DPAGT1: variants seen among roughly 807,000 people sequenced by gnomAD.
The protein encoded by DPAGT1 is UDP-N-acetylglucosamine--dolichyl-phosphate N-acetylglucosaminephosphotransferase.
DPAGT1 carries 25 observed loss-of-function variants against 39.3 expected under a neutral mutation model. That is an observed-to-expected ratio of 0.64 (90% CI 0.46 to 0.89). The LOEUF is 0.89. DPAGT1 is among the 40% of genes least tolerant of loss of function. The pLI is 0.00. For synonymous variants in DPAGT1, 193 were observed against 201.4 expected, an observed-to-expected ratio of 0.96 and a Z score of 0.36; for missense variants, 381 against 500.6, an observed-to-expected ratio of 0.76 and a Z score of 2.28.
intron 4 of DPAGT1, among the ~76,000 whole-genome samples, chr11:119,099,199 C>A (rs59857317): frequency 0.013 from 1,965 of 152,068 alleles, 44 homozygotes; most frequent in African/African-American, 0.045. Flanking sequence ...CTGAAGCAGG[C>A]AGATCACCTG....
Position 119,100,651 on chromosome 11 carries a change from G to T in DPAGT1, c.475C>A (p.Leu159Ile). ...IVVPKPFRPI[L>I]GLHLDLGILY... ...CTACCCAAGTCCAGATGCAGGCCAA[G>T]TATCGGGCGGAAGGGCTTGGGCACC... The change falls in exon 3 of 9, where the codon CTT becomes ATT. Residue 159 changes from leucine to isoleucine, a missense_variant. By Grantham distance (5) the Leu-to-Ile change is conservative (BLOSUM62 2). Transcript: ENST00000354202. The T allele has an allele frequency of 6.2e-7, 1 of 1,614,158 alleles. No individual in the cohort carries two copies. The highest frequency in any genetic ancestry group is 8.5e-7 in the Non-Finnish European group (1 of 1,180,004).
Position 119,097,322 on chromosome 11 carries a change from A to C in DPAGT1, c.1006-25T>G. On this transcript the variant is annotated intron_variant, in intron 7 of 8. Coordinates refer to ENST00000354202, the MANE Select transcript of DPAGT1 (RefSeq NM_001382.4). The surrounding 1 kb of genome is among the most constrained non-coding windows in gnomAD (Gnocchi z 4.6). ...CCTGGAGGGACCAGAGGTGAAGAGA[A>C]CCTCAGCTAATACCTATGCTTTAGG... is the stretch of plus-strand genomic sequence containing the variant. 6.2e-7 allele frequency: 1 copy of C among 1,614,116 alleles called. No homozygotes were observed. Among genetic ancestry groups the C allele is most frequent in the Non-Finnish European group, 8.5e-7 (1 of 1,179,982 alleles).
chr11:119,094,788 G>T, downstream of DPAGT1: 1 of 669,440 alleles, frequency 1.5e-6, no homozygotes, highest in South Asian at 2.1e-5. Context: ...GGCGGGCGGG[G>T]ACTCGAGGCC....
At chr11:119,096,354 A>T (rs1946393620), downstream of DPAGT1, 1 of 154,546 alleles carries the variant, frequency 6.5e-6, no homozygotes, top group African/African-American at 2.4e-5. Context: ...TTAAATATTT[A>T]TTCAATATGT....
At chr11:119,094,789 A>C, downstream of DPAGT1, 2 of 661,418 alleles carry the variant, frequency 3.0e-6, no homozygotes, top group Non-Finnish European at 2.4e-6. Context: ...GCGGGCGGGG[A>C]CTCGAGGCCG....
rs966666956 is a variant in DPAGT1, at chr11:119,098,163, A to T, written c.729-120T>A. 3 of 1,381,302 alleles carry T rather than the reference A, an allele frequency of 2.2e-6. No homozygotes were observed. In the African/African-American group the frequency reaches 4.3e-5, roughly 20 times the overall value. The allele number at this position is 1,381,302 out of a possible 1,614,324, so 85.6% of individuals were successfully genotyped here. On this transcript the variant is annotated intron_variant, in intron 5 of 8. Coordinates refer to ENST00000354202, the MANE Select transcript of DPAGT1 (RefSeq NM_001382.4). ...CTAGTTCTGACTCAGAGGAGACTCCAGTTGTGCAGCAACTCTGCAGGATCC... is the reference window on the plus strand; with the variant it reads ...CTAGTTCTGACTCAGAGGAGACTCCTGTTGTGCAGCAACTCTGCAGGATCC...
downstream of DPAGT1, chr11:119,095,205 G>A (rs1000700484): frequency 3.1e-6 from 5 of 1,613,884 alleles, no homozygotes; most frequent in African/African-American, 5.3e-5. Flanking sequence ...GCCAGCTCCA[G>A]GATCTCAGCG....
chr11:119,100,457 G>C, intron 3 of DPAGT1, 49 bp from the exon 4 acceptor site: 1 of 1,613,718 alleles, frequency 6.2e-7, no homozygotes, highest in Non-Finnish European at 8.5e-7. Context: ...TAGGGGAGGA[G>C]GATTTAAGAA....
In DPAGT1 at chr11:119,101,683, C is replaced by A. The variant is rs113165335; in HGVS notation, c.-28G>T. 1 of 1,614,012 alleles carries A rather than the reference C, an allele frequency of 6.2e-7. No individual in the cohort carries two copies. Among genetic ancestry groups the A allele is most frequent in the African/African-American group, 1.3e-5 (1 of 74,942 alleles). On this transcript the variant is annotated 5_prime_UTR_variant, in exon 1 of 9. Transcript: ENST00000354202. Reference sequence around the variant, plus strand: ...TGACCGGTCAGGGGCCCGGCTCCGCCGCCTCTTCAGGTAACGGGCAAGCTG... The same window carrying A: ...TGACCGGTCAGGGGCCCGGCTCCGCAGCCTCTTCAGGTAACGGGCAAGCTG...
chr11:119,094,902 CT>C, downstream of DPAGT1: 2 of 1,496,138 alleles, frequency 1.3e-6, no homozygotes, highest in African/African-American at 1.4e-5. Flanking sequence ...GGTGGTGGCC[CT>C]TAAAAGGGCC....
intron 5 of DPAGT1, 59 bp from the exon 6 acceptor site, chr11:119,098,102 A>G (rs1482247205): frequency 7.5e-6 from 12 of 1,606,142 alleles, no homozygotes; most frequent in African/African-American, 1.3e-5. Context: ...CCCTTCTCTC[A>G]CATCACACCC....
At position 119,101,600 on chromosome 11, in the gene DPAGT1, A is replaced by T; in HGVS notation, c.56T>A (p.Leu19Gln). Residue 19 changes from leucine to glutamine, a missense_variant, in exon 1 of 9, where the codon CTG becomes CAG. Coordinates refer to ENST00000354202, the MANE Select transcript of DPAGT1 (RefSeq NM_001382.4). ...MPLLINLIVSLLGFVATVTLI... is the reference protein window; with the variant it reads ...MPLLINLIVSQLGFVATVTLI... ...GGTGACTGTGGCCACAAATCCCAGC[A>T]GCGAGACGATCAAATTGATCAGCAG... 6.2e-7 allele frequency: 1 copy of T among 1,614,268 alleles called. No homozygotes were observed. Among genetic ancestry groups the T allele is most frequent in the Non-Finnish European group, 8.5e-7 (1 of 1,180,044 alleles).
intron 4 of DPAGT1, among the ~76,000 whole-genome samples, chr11:119,099,780 CAAAAAAAAAA>C (rs57486910): frequency 1.3e-5 from 1 of 75,802 alleles, no homozygotes. Flanking sequence ...GACCCTGTCT[CAAAAAAAAAA>C]AAAAAAAAAA....
At chr11:119,099,017 G>A (rs1351276295) in intron 4 of DPAGT1, among the ~76,000 whole-genome samples, 3 of 152,222 alleles carry the variant, frequency 2.0e-5, no homozygotes, top group Non-Finnish European at 4.4e-5. Context: ...GGGAACCACG[G>A]AATGTCTCAG....
chr11:119,099,998 T>C (rs181199430), intron 4 of DPAGT1, among the ~76,000 whole-genome samples: 424 of 152,194 alleles, frequency 2.8e-3, no homozygotes, highest in African/African-American at 9.3e-3. Context: ...CTGTGTAACG[T>C]TGGGGTTCTG....
downstream of DPAGT1, among the ~76,000 whole-genome samples, chr11:119,095,953 CTTTT>C (rs1022831455): frequency 2.0e-5 from 3 of 151,968 alleles, no homozygotes; most frequent in Non-Finnish European, 2.9e-5. Context: ...TAAAAGTTTT[CTTTT>C]TTTTCTTTCT....
rs776632995 is a variant in DPAGT1, at chr11:119,097,871, G to A, written c.901C>T (p.Arg301Cys). The A allele has an allele frequency of 2.4e-5, 39 of 1,613,962 alleles. No individual in the cohort carries two copies. The highest frequency in any genetic ancestry group is 2.9e-5 in the Non-Finnish European group (34 of 1,179,978). ...AGCGGCTACCTGGGTATGCGGTGGC[G>A]AGGGCAGGGGATGATATGCAGGAGC... Reference protein sequence around the residue: ...PQLLHIIPCPRHRIPRLNIKT... With the variant: ...PQLLHIIPCPCHRIPRLNIKT... Residue 301 changes from arginine (R) to cysteine (C), a missense_variant, in exon 6 of 9, where the codon CGC becomes TGC. By Grantham distance (180) the Arg-to-Cys change is radical. Coordinates refer to ENST00000354202, the MANE Select transcript of DPAGT1 (RefSeq NM_001382.4). The surrounding 1 kb of genome is among the most constrained non-coding windows in gnomAD (Gnocchi z 4.6).
chr11:119,095,243 T>C, downstream of DPAGT1: 1 of 1,613,628 alleles, frequency 6.2e-7, no homozygotes, highest in South Asian at 1.1e-5. Context: ...TGCCGCCAGG[T>C]ACACTGGCGC....
Position 119,101,155 on chromosome 11 carries a change from A to AG in DPAGT1, c.162-18dup. On this transcript the variant is annotated splice_polypyrimidine_tract_variant and intron_variant, in intron 1 of 8. Coordinates refer to ENST00000354202, the MANE Select transcript of DPAGT1 (RefSeq NM_001382.4). ...GATTCTGGGCTGTGGCCCAGCAGCA[A>AG]GGGGGCGAGGGGGAAGAGGAAAGGG... is the stretch of plus-strand genomic sequence containing the variant. 6.2e-7 allele frequency: 1 copy of AG among 1,613,732 alleles called. No individual in the cohort carries two copies. The highest frequency in any genetic ancestry group is 8.5e-7 in the Non-Finnish European group (1 of 1,179,974).
Sources: allele counts gnomAD v4.1 joint callset (sites outside exome capture counted in the v4.1 genomes callset), GRCh38; gene constraint gnomAD v4.1.1; non-coding constraint Gnocchi (gnomAD v3.1); transcripts MANE v1.5; gene names NCBI Gene and HGNC (gene_info 2026-07-23, HGNC 2026-07-21).